The following RTF2 variants were observed in gnomAD, a reference collection of about 807,000 sequenced individuals.
The protein encoded by RTF2 is replication termination factor 2.
RTF2 carries 18 observed loss-of-function variants against 38.0 expected under a neutral mutation model. The observed-to-expected ratio is 0.47, with a 90% confidence interval of 0.33 to 0.70. The LOEUF is 0.70. Among genes scored for constraint, RTF2 ranks in the 30% least tolerant of loss-of-function variants. The pLI, the probability that RTF2 is intolerant of heterozygous loss-of-function variation, is 0.02. For synonymous variants in RTF2, 126 were observed against 137.1 expected (o/e 0.92, Z 0.57); for missense variants, 311 against 379.6 (o/e 0.82, Z 1.50).
rs1283676816 is a variant in RTF2 at position 56,518,077 on chromosome 20, A to G, written c.743-10A>G. The G allele has an allele frequency of 1.2e-6, 2 of 1,600,994 alleles. No individual in the cohort carries two copies. The highest frequency in any genetic ancestry group is 1.7e-6 in the Non-Finnish European group (2 of 1,175,510). On this transcript the variant is annotated splice_polypyrimidine_tract_variant and intron_variant, in intron 8 of 8. Transcript: ENST00000357348. ...CCAACCCTGACAGTTTTGGCTCTTCATTTTTCTAGCAATGAATGAGAGCTC... is the reference window on the plus strand; with the variant it reads ...CCAACCCTGACAGTTTTGGCTCTTCGTTTTTCTAGCAATGAATGAGAGCTC...
Position 56,483,812 on chromosome 20 carries a change from T to C in RTF2, c.399-299T>C, listed in dbSNP as rs552669831. The stretch of plus-strand genomic sequence containing the variant: ...TTGACTATTGCTGTATAAGACCTTT[T>C]TGAATATTCATAAAATAAGCTCTGA... On this transcript the variant is annotated intron_variant, in intron 4 of 8. Coordinates refer to ENST00000357348, the MANE Select transcript of RTF2 (RefSeq NM_016407.5). Among the ~76,000 whole-genome samples, 28 of 152,370 alleles carry C rather than the reference T, an allele frequency of 1.8e-4. No homozygotes were observed. The South Asian group carries it at 5.6e-3, about 30-fold the overall frequency.
intron 5 of RTF2, chr20:56,504,385 G>C (rs1357088295): frequency 6.6e-6 from 1 of 152,208 alleles, no homozygotes; most frequent in Non-Finnish European, 1.5e-5. Context: ...ATGAAATCGT[G>C]GCATTCATGG....
Position 56,473,526 on chromosome 20 carries a change from C to T in RTF2, c.164+131C>T, listed in dbSNP as rs1303595960. ...TTTGTGAGGCATAGGCTGTCGTTCC[C>T]TGTCTCTGAACATAGTTCTGTACTC... On this transcript the variant is annotated intron_variant, in intron 2 of 8. Coordinates refer to ENST00000357348, the MANE Select transcript of RTF2 (RefSeq NM_016407.5). 105 of 629,812 alleles carry T rather than the reference C, an allele frequency of 1.7e-4. No homozygotes were observed. The South Asian group carries it at 1.8e-3, about 11-fold the overall frequency. The allele number at this position is 629,812 out of a possible 1,614,324, so 39.0% of individuals were successfully genotyped here.
chr20:56,488,846 C>T (rs1170191580), intron 5 of RTF2, among the ~76,000 whole-genome samples: 3 of 152,210 alleles, frequency 2.0e-5, no homozygotes, highest in Non-Finnish European at 4.4e-5. Context: ...CCCTTGGCCT[C>T]CCTGGCCTGT....
At chr20:56,500,158 G>A (rs760314783) in intron 5 of RTF2, among the ~76,000 whole-genome samples, 2 of 151,760 alleles carry the variant, frequency 1.3e-5, no homozygotes, top group Non-Finnish European at 2.9e-5. Context: ...GGGTTCGAGC[G>A]ATTCTCTGGC....
chr20:56,518,402 G>A lies in RTF2; in HGVS notation c.*137G>A, dbSNP rs189270955. On this transcript the variant is annotated 3_prime_UTR_variant, in exon 9 of 9. Transcript: ENST00000357348. ...TAAAGCTGTCCTGGCCAGCCTTCAAGCTGGTGTGGCCACTCTTGATGTGAG... is the reference window on the plus strand; with the variant it reads ...TAAAGCTGTCCTGGCCAGCCTTCAAACTGGTGTGGCCACTCTTGATGTGAG... 8.4e-3 allele frequency: 7,107 copies of A among 850,528 alleles called. 48 individuals carry two copies. The highest frequency in any genetic ancestry group is 9.8e-3 in the Non-Finnish European group (5,559 of 567,902). The allele number at this position is 850,528 out of a possible 1,614,324, so 52.7% of individuals were successfully genotyped here. A position where few individuals can be genotyped will look rare whatever the true frequency, so the allele number is the denominator to read the frequency against.
intron 3 of RTF2, among the ~76,000 whole-genome samples, chr20:56,475,866 A>C (rs1183853942): frequency 1.3e-5 from 2 of 152,242 alleles, no homozygotes; most frequent in Admixed American, 1.3e-4. Context: ...AGAACAGTAA[A>C]GAAAAAAAGC....
intron 6 of RTF2, among the ~76,000 whole-genome samples, chr20:56,515,243 T>G (rs1984949716): frequency 1.3e-5 from 2 of 152,144 alleles, no homozygotes; most frequent in Admixed American, 6.5e-5. Flanking sequence ...TCCCTGTTCT[T>G]AATTGCTACC....
intron 5 of RTF2, among the ~76,000 whole-genome samples, chr20:56,492,576 T>A (rs1983227910): frequency 1.3e-5 from 2 of 151,398 alleles, no homozygotes; most frequent in Non-Finnish European, 2.9e-5. Flanking sequence ...AAATTTTTTT[T>A]AAAGTGGGAA....
intron 4 of RTF2, among the ~76,000 whole-genome samples, chr20:56,481,198 T>C (rs1982508870): frequency 6.6e-6 from 1 of 152,108 alleles, no homozygotes; most frequent in Non-Finnish European, 1.5e-5. Flanking sequence ...AGGAAAGGGG[T>C]GGGGCAAAGC....
Position 56,474,757 on chromosome 20 carries a change from A to G in RTF2, c.244A>G (p.Ile82Val), listed in dbSNP as rs1043643340. The G allele has an allele frequency of 1.2e-6, 2 of 1,604,020 alleles. No individual in the cohort carries two copies. The highest frequency in any genetic ancestry group is 2.2e-5 in the East Asian group (1 of 44,782). ...EKALGKAASH[I>V]KSIKNVTELK... is the part of the protein sequence containing the mutation. ...GGCTCTTGGGAAGGCAGCATCTCAC[A>G]TTAAAAGCATTAAGGTAACACGAGT... The change falls in exon 3 of 9, where the codon ATT becomes GTT. Residue 82 changes from isoleucine to valine, a missense_variant. Coordinates refer to ENST00000357348, the MANE Select transcript of RTF2 (RefSeq NM_016407.5).
Position 56,484,286 on chromosome 20 carries a change from C to T in RTF2, c.477+97C>T, listed in dbSNP as rs2146327442. Reference sequence around the variant, plus strand: ...CTCCATTTGTTCTTTCTGAAATCAGCTCTCATAAGTTGCTTTTCTGCTTCC... The same window carrying T: ...CTCCATTTGTTCTTTCTGAAATCAGTTCTCATAAGTTGCTTTTCTGCTTCC... On this transcript the variant is annotated intron_variant, in intron 5 of 8. Transcript: ENST00000357348. 6 of 1,069,500 alleles carry T rather than the reference C, an allele frequency of 5.6e-6. No homozygotes were observed. The South Asian group carries it at 7.7e-5, about 14-fold the overall frequency. 66.3% of individuals were successfully genotyped at this position (1,069,500 alleles called of 1,614,324 possible).
chr20:56,490,424 G>C (rs774825038), intron 5 of RTF2, among the ~76,000 whole-genome samples: 7 of 152,240 alleles, frequency 4.6e-5, no homozygotes, highest in Non-Finnish European at 8.8e-5. Context: ...CTTTCTAAGG[G>C]AGGAGACCCA....
chr20:56,515,031 C>T (rs906681401), intron 6 of RTF2, among the ~76,000 whole-genome samples: 10 of 149,312 alleles, frequency 6.7e-5, no homozygotes, highest in African/African-American at 2.5e-4. Context: ...TGACAGACTC[C>T]CTCTAAAAAA....
intron 5 of RTF2, among the ~76,000 whole-genome samples, chr20:56,508,827 G>A (rs1984450999): frequency 6.6e-6 from 1 of 152,180 alleles, no homozygotes; most frequent in South Asian, 2.1e-4. Context: ...ACATGCAGAA[G>A]AATGAATTTG....
At chr20:56,497,802 A>G (rs895727206) in intron 5 of RTF2, 1 of 330,754 alleles carries the variant, frequency 3.0e-6, no homozygotes, top group African/African-American at 2.2e-5. Context: ...CTCACTCTTC[A>G]AAGTGTTCTT....
At chr20:56,514,980 G>A (rs1163600561) in intron 6 of RTF2, among the ~76,000 whole-genome samples, 1 of 151,726 alleles carries the variant, frequency 6.6e-6, no homozygotes, top group Non-Finnish European at 1.5e-5. Context: ...CCGGAAGGCG[G>A]AGGTTGCAGT....
chr20:56,490,612 C>T (rs767892295), intron 5 of RTF2, among the ~76,000 whole-genome samples: 14 of 152,138 alleles, frequency 9.2e-5, no homozygotes, highest in Admixed American at 2.0e-4. Context: ...GTCGGGAGTT[C>T]GAGATCAGCC....
At chr20:56,511,842 T>C (rs1984689414) in intron 5 of RTF2, among the ~76,000 whole-genome samples, 2 of 147,588 alleles carry the variant, frequency 1.4e-5, no homozygotes, top group African/African-American at 2.7e-5. Context: ...AGACCCCTCT[T>C]TTTTTTTTGA....
Sources: gnomAD v4.1 joint callset for allele counts (sites outside exome capture counted in the v4.1 genomes callset) on GRCh38, gnomAD v4.1.1 for gene constraint, MANE v1.5 for transcripts, NCBI Gene and HGNC (gene_info 2026-07-23, HGNC 2026-07-21) for gene names.